Variants in MED13 observed in about 807,000 individuals in gnomAD.
MED13 encodes mediator complex subunit 13, also known as mediator of RNA polymerase II transcription subunit 13.
MED13 carries 23 observed loss-of-function variants against 225.2 expected under a neutral mutation model. The observed-to-expected ratio is 0.10, with a 90% CI of 0.07 to 0.14. The LOEUF is 0.14. Among genes scored for constraint, MED13 ranks in the 10% least tolerant of loss-of-function variants. The probability of loss-of-function intolerance (pLI) is 1.00; values close to 1 mark genes in which losing one functional copy is unlikely to be tolerated. For synonymous variants in MED13, 942 were observed against 889.2 expected (o/e 1.06, Z -1.06); for missense variants, 2,197 against 2,594.5 (o/e 0.85, Z 3.33).
At chr17:61,956,846 A>G (rs1048078120) in intron 23 of MED13, among the ~76,000 whole-genome samples, 25 of 152,110 alleles carry the variant, frequency 1.6e-4, no homozygotes, top group African/African-American at 6.0e-4. Flanking sequence ...CCGACATTTT[A>G]AGAGAGCTCA....
intron 5 of MED13, among the ~76,000 whole-genome samples, chr17:62,032,051 T>A: frequency 6.6e-6 from 1 of 152,142 alleles, no homozygotes; most frequent in Non-Finnish European, 1.5e-5. Context: ...CTTTTCTATA[T>A]GCCTCTATTT....
intron 22 of MED13, 67 bp downstream of exon 22, chr17:61,961,519 CAA>C (rs56723756): frequency 0.1 from 72,207 of 709,890 alleles, 256 homozygotes; most frequent in African/African-American, 0.21. Flanking sequence ...GGCTCCATCT[CAA>C]AAAAAAAAAA....
In MED13 at chr17:62,052,629, T is replaced by G; in HGVS notation, c.378A>C (p.Leu126=). The G allele has an allele frequency of 1.2e-6, 2 of 1,604,786 alleles. No homozygotes were observed. The highest frequency in any genetic ancestry group is 1.7e-4 in the Middle Eastern group (1 of 6,038). ...TCCTGTTCATTAAACACCGTTCCAA[T>G]AGATTGTGAACTGCTTTGAAAAGCA... is the stretch of plus-strand genomic sequence containing the variant. ...RTLLFKAVHN[L]LERCLMNRNF... Residue 126 remains leucine, a synonymous_variant, in exon 3 of 30, where the codon CTA becomes CTC. Coordinates refer to ENST00000397786, the MANE Select transcript of MED13 (RefSeq NM_005121.3).
At chr17:62,047,153 C>A (rs1468772349) in intron 3 of MED13, among the ~76,000 whole-genome samples, 1 of 151,900 alleles carries the variant, frequency 6.6e-6, no homozygotes, top group Admixed American at 6.6e-5. Context: ...GGCGGATTAC[C>A]TGAGGTCAGG....
At chr17:62,026,423 G>A (rs1374729071) in intron 8 of MED13, among the ~76,000 whole-genome samples, 3 of 148,620 alleles carry the variant, frequency 2.0e-5, no homozygotes, top group South Asian at 2.1e-4. Context: ...ACCTACAGCT[G>A]CCCAAAGAAT....
rs762016124 is a variant in MED13 at position 62,010,598 on chromosome 17, T to C, written c.1919A>G (p.Asp640Gly). The C allele has an allele frequency of 1.3e-6, 2 of 1,494,952 alleles. No homozygotes were observed. The highest frequency in any genetic ancestry group is 1.4e-5 in the African/African-American group (1 of 71,372). 92.6% of individuals were successfully genotyped at this position (1,494,952 alleles called of 1,614,324 possible). The change falls in exon 9 of 30, where the codon GAT (aspartate) becomes GGT (glycine). Residue 640 changes from aspartate (D) to glycine (G), a missense_variant. By Grantham distance (94) the Asp-to-Gly change is moderately conservative. Transcript: ENST00000397786. Reference protein sequence around the residue: ...PPQLPSDKFKDDPVGPFGQES... With the variant: ...PPQLPSDKFKGDPVGPFGQES... ...CTGTCCAAAAGGTCCAACTGGATCA[T>C]CCTTGAATTTATCACTTGGAAGTTG...
intron 3 of MED13, among the ~76,000 whole-genome samples, chr17:62,046,861 A>T: frequency 1.4e-5 from 2 of 146,610 alleles, no homozygotes; most frequent in Middle Eastern, 3.6e-3. Context: ...TATAATTTCA[A>T]TTTTTTTTTT....
rs1328041243 is a variant in MED13 at position 61,945,031 on chromosome 17, T to C, written c.*1437A>G. 1 of 152,626 alleles carries C rather than the reference T, an allele frequency of 6.6e-6. No individual in the cohort carries two copies. 9.5% of individuals were successfully genotyped at this position (152,626 alleles called of 1,614,324 possible). On this transcript the variant is annotated 3_prime_UTR_variant, in exon 30 of 30. Transcript: ENST00000397786. ...GGGAGGTGAGAACCTCCTTGGCATA[T>C]GCCCTACCTTAATCTGAGCTGTGTT...
intron 2 of MED13, among the ~76,000 whole-genome samples, chr17:62,055,155 G>A (rs2143767318): frequency 6.6e-6 from 1 of 152,220 alleles, no homozygotes; most frequent in South Asian, 2.1e-4. Flanking sequence ...AGCACTTCAG[G>A]AGGCCAAGGC....
rs578258431 is a variant in MED13 at position 61,969,418 on chromosome 17, G to A, written c.3968-1160C>T. 2.0e-5 allele frequency among the ~76,000 whole-genome samples: 3 copies of A among 152,222 alleles called. No individual in the cohort carries two copies. In the East Asian group the frequency reaches 5.8e-4, roughly 29 times the overall value. On this transcript the variant is annotated intron_variant, in intron 17 of 29. Transcript: ENST00000397786. Reference sequence around the variant, plus strand: ...AGGCCAGGTGCTGTGGCTCATGCCTGTAATCTCAGCACCTTGGGAGACTGA... The same window carrying A: ...AGGCCAGGTGCTGTGGCTCATGCCTATAATCTCAGCACCTTGGGAGACTGA...
chr17:62,038,747 T>C (rs2143704341), intron 3 of MED13, among the ~76,000 whole-genome samples: 1 of 152,254 alleles, frequency 6.6e-6, no homozygotes, highest in Non-Finnish European at 1.5e-5. Context: ...TGCTGCAGCC[T>C]CAAACTACTG....
Position 61,946,375 on chromosome 17 carries a change from T to C in MED13, c.*93A>G, listed in dbSNP as rs76094750. The stretch of plus-strand genomic sequence containing the variant: ...AATAAGAATTAGACCCCATCACAAA[T>C]GACCTTCACTGAGAAGATAATTGTA... On this transcript the variant is annotated 3_prime_UTR_variant, in exon 30 of 30. Transcript: ENST00000397786. 1,599 of 1,424,376 alleles carry C rather than the reference T, an allele frequency of 1.1e-3. 3 individuals are homozygous for C. The highest frequency in any genetic ancestry group is 1.4e-3 in the Non-Finnish European group (1,508 of 1,042,390). The allele number at this position is 1,424,376 out of a possible 1,614,324, so 88.2% of individuals were successfully genotyped here. A position where few individuals can be genotyped will look rare whatever the true frequency, so the allele number is the denominator to read the frequency against.
At chr17:61,973,124 TAA>T (rs2080124089) in intron 16 of MED13, among the ~76,000 whole-genome samples, 1 of 152,204 alleles carries the variant, frequency 6.6e-6, no homozygotes, top group Non-Finnish European at 1.5e-5. Flanking sequence ...CTTATTTCCA[TAA>T]AAAGTCATTC....
At chr17:62,058,508 G>A (rs188165228) in intron 2 of MED13, among the ~76,000 whole-genome samples, 288 of 120,626 alleles carry the variant, frequency 2.4e-3, no homozygotes, top group African/African-American at 7.9e-3. Context: ...GAGACAGAGC[G>A]AGACTTCATC....
intron 8 of MED13, among the ~76,000 whole-genome samples, chr17:62,025,315 C>T (rs1445387376): frequency 1.3e-5 from 2 of 152,182 alleles, no homozygotes; most frequent in East Asian, 1.9e-4. Context: ...GAATTTCACA[C>T]AACTTTCACA....
At chr17:61,952,847 G>T in intron 27 of MED13, 118 bp downstream of exon 27, 1 of 1,181,092 alleles carries the variant, frequency 8.5e-7, no homozygotes, top group Non-Finnish European at 1.2e-6. Context: ...ATATTGGCCA[G>T]GCTGGTCTCA....
At chr17:62,027,184 A>ATAC (rs1160490214) in intron 8 of MED13, among the ~76,000 whole-genome samples, 1 of 152,190 alleles carries the variant, frequency 6.6e-6, no homozygotes, top group Non-Finnish European at 1.5e-5. Context: ...GGCTTAAACA[A>ATAC]TACTATAGGA....
chr17:61,991,751 G>A (rs1309527199), intron 11 of MED13, among the ~76,000 whole-genome samples: 7 of 151,862 alleles, frequency 4.6e-5, no homozygotes, highest in African/African-American at 9.7e-5. Flanking sequence ...CTCGTGATCC[G>A]CCCGCCACGG....
intron 11 of MED13, among the ~76,000 whole-genome samples, chr17:61,992,089 T>TGTCA (rs1337947815): frequency 2.0e-5 from 3 of 152,246 alleles, no homozygotes; most frequent in Non-Finnish European, 2.9e-5. Flanking sequence ...AACACTCTAC[T>TGTCA]GTCAACCAAC....
Sources: allele counts gnomAD v4.1 joint callset (sites outside exome capture counted in the v4.1 genomes callset), GRCh38; gene constraint gnomAD v4.1.1; transcripts MANE v1.5; gene names NCBI Gene and HGNC (gene_info 2026-07-23, HGNC 2026-07-21).